Variants in ATRNL1 observed in about 807,000 individuals in gnomAD.
ATRNL1 encodes attractin-like protein 1.
Under a neutral mutation model 182.7 loss-of-function variants are expected in ATRNL1, and 95 were observed. The ratio of observed to expected loss-of-function variants is 0.52; its 90% CI spans 0.44 to 0.62. The LOEUF is 0.62. Ranked by LOEUF, ATRNL1 falls within the 20% of genes least tolerant of loss-of-function variation. The pLI is 0.00. For missense variants in ATRNL1, 1,471 were observed against 1,679.5 expected (o/e 0.88, Z 2.17); for synonymous variants, 576 against 568.3 (o/e 1.01, Z -0.19).
chr10:115,465,359 C>T (rs1361681146), intron 22 of ATRNL1, among the ~76,000 whole-genome samples: 1 of 151,638 alleles, frequency 6.6e-6, no homozygotes, highest in Non-Finnish European at 1.5e-5. Flanking sequence ...TATACCACAA[C>T]TGAACAACAT....
chr10:115,379,205 A>G (rs1022482740), intron 19 of ATRNL1, among the ~76,000 whole-genome samples: 2 of 152,220 alleles, frequency 1.3e-5, no homozygotes, highest in Admixed American at 6.5e-5. Context: ...ATCATCATAT[A>G]TAAAATTTTA....
intron 1 of ATRNL1, among the ~76,000 whole-genome samples, chr10:115,094,400 A>G (rs1399481298): frequency 6.6e-6 from 1 of 152,198 alleles, no homozygotes; most frequent in Non-Finnish European, 1.5e-5. Flanking sequence ...AAAAATCAGA[A>G]ATTGTCCAAG....
chr10:115,255,309 G>A (rs1326846892), intron 10 of ATRNL1, among the ~76,000 whole-genome samples: 7 of 151,874 alleles, frequency 4.6e-5, no homozygotes, highest in East Asian at 1.9e-4. Context: ...CTTTTATTTC[G>A]TTGAGCTGTG....
intron 18 of ATRNL1, among the ~76,000 whole-genome samples, chr10:115,327,515 G>T (rs1440268691): frequency 6.7e-6 from 1 of 148,814 alleles, no homozygotes; most frequent in African/African-American, 2.5e-5. Flanking sequence ...AACCATTGTG[G>T]AAGTCAGTGT....
At chr10:115,386,601 T>TC (rs1468556340) in intron 19 of ATRNL1, among the ~76,000 whole-genome samples, 3 of 152,086 alleles carry the variant, frequency 2.0e-5, no homozygotes, top group Non-Finnish European at 4.4e-5. Context: ...TGTGGACTTC[T>TC]CCTCCAGTAA....
intron 26 of ATRNL1, among the ~76,000 whole-genome samples, chr10:115,679,158 C>T (rs1945966726): frequency 6.6e-6 from 1 of 152,106 alleles, no homozygotes; most frequent in African/African-American, 2.4e-5. Flanking sequence ...TTTCCATTAT[C>T]CTCTTTGGCC....
intron 27 of ATRNL1, among the ~76,000 whole-genome samples, chr10:115,740,432 G>A (rs1555067324): frequency 1.3e-5 from 2 of 152,160 alleles, no homozygotes; most frequent in Non-Finnish European, 2.9e-5. Context: ...CTACTTGTGA[G>A]GCTGAGGTGG....
At chr10:115,890,353 A>G (rs924555210) in intron 28 of ATRNL1, among the ~76,000 whole-genome samples, 1 of 152,216 alleles carries the variant, frequency 6.6e-6, no homozygotes, top group African/African-American at 2.4e-5. Flanking sequence ...TATTGAACAC[A>G]AAGACATTTG....
At chr10:115,237,796 C>T (rs1399356983) in intron 9 of ATRNL1, among the ~76,000 whole-genome samples, 1 of 152,096 alleles carries the variant, frequency 6.6e-6, no homozygotes, top group African/African-American at 2.4e-5. Flanking sequence ...AATGTCATCA[C>T]CAAACCCAGG....
intron 9 of ATRNL1, among the ~76,000 whole-genome samples, chr10:115,223,909 G>GTGTGTA (rs1849574486): frequency 1.7e-5 from 1 of 57,550 alleles, no homozygotes. Flanking sequence ...GTGTGTGTGT[G>GTGTGTA]TGTGTATATA....
At chr10:115,489,653 A>G (rs1256976485) in intron 24 of ATRNL1, among the ~76,000 whole-genome samples, 2 of 152,148 alleles carry the variant, frequency 1.3e-5, no homozygotes, top group Middle Eastern at 3.2e-3. Context: ...TGAATACAGC[A>G]CACTGATGGG....
intron 24 of ATRNL1, among the ~76,000 whole-genome samples, chr10:115,481,025 TAA>T (rs1185982115): frequency 2.7e-5 from 4 of 150,818 alleles, no homozygotes; most frequent in African/African-American, 9.7e-5. Context: ...TAAATTTTTA[TAA>T]AGTCATTAAT....
At chr10:115,583,750 C>G (rs1194777490) in intron 26 of ATRNL1, among the ~76,000 whole-genome samples, 2 of 150,616 alleles carry the variant, frequency 1.3e-5, no homozygotes, top group African/African-American at 4.8e-5. Flanking sequence ...ATTTCCTTCT[C>G]CTGTCTAATT....
At chr10:115,482,791 C>G (rs1554974420) in intron 24 of ATRNL1, among the ~76,000 whole-genome samples, 1 of 151,132 alleles carries the variant, frequency 6.6e-6, no homozygotes, top group African/African-American at 2.4e-5. Context: ...GGACTTTATT[C>G]TGTACTGAAT....
chr10:115,720,247 A>T (rs1555057428), intron 26 of ATRNL1, among the ~76,000 whole-genome samples: 1 of 152,184 alleles, frequency 6.6e-6, no homozygotes, highest in African/African-American at 2.4e-5. Context: ...CTTGACTTCA[A>T]AATTTAATTA....
chr10:115,322,378 C>T (rs1205738510), intron 18 of ATRNL1, among the ~76,000 whole-genome samples: 1 of 151,904 alleles, frequency 6.6e-6, no homozygotes, highest in African/African-American at 2.4e-5. Context: ...GGCCCCAAAC[C>T]ATCAGGTATC....
At chr10:115,240,898 A>G (rs890659598) in intron 9 of ATRNL1, among the ~76,000 whole-genome samples, 16 of 152,118 alleles carry the variant, frequency 1.1e-4, no homozygotes, top group African/African-American at 3.9e-4. Context: ...CAAAAAATAT[A>G]TATCTCAAAT....
intron 26 of ATRNL1, among the ~76,000 whole-genome samples, chr10:115,686,766 T>C (rs1946231277): frequency 6.6e-6 from 1 of 152,050 alleles, no homozygotes; most frequent in Non-Finnish European, 1.5e-5. Flanking sequence ...CTTCCATCAT[T>C]TTGCATTACA....
intron 27 of ATRNL1, among the ~76,000 whole-genome samples, chr10:115,781,044 A>G (rs1374986984): frequency 6.6e-6 from 1 of 152,214 alleles, no homozygotes; most frequent in Non-Finnish European, 1.5e-5. Flanking sequence ...AATTAGCAAA[A>G]TACTTGAGGA....
Sources: gnomAD v4.1 joint callset for allele counts (sites outside exome capture counted in the v4.1 genomes callset) on GRCh38, gnomAD v4.1.1 for gene constraint, MANE v1.5 for transcripts, NCBI Gene and HGNC (gene_info 2026-07-23, HGNC 2026-07-21) for gene names.